Variants in RYR3 observed in about 807,000 individuals in gnomAD.
The protein encoded by RYR3 is brain ryanodine receptor-calcium release channel.
RYR3 carries 207 observed loss-of-function variants against 584.3 expected under a neutral mutation model. The ratio of observed to expected loss-of-function variants is 0.35; its 90% CI spans 0.32 to 0.40. RYR3 has a LOEUF of 0.40. RYR3 is among the 10% of genes least tolerant of loss of function. RYR3 has a pLI of 1.00. For missense variants in RYR3, 5,616 were observed against 6,089.2 expected (o/e 0.92, Z 2.59); for synonymous variants, 2,416 against 2,248.5 (o/e 1.07, Z -2.11).
At chr15:33,665,518 C>G (rs570519483) in intron 36 of RYR3, among the ~76,000 whole-genome samples, 1 of 152,234 alleles carries the variant, frequency 6.6e-6, no homozygotes, top group African/African-American at 2.4e-5. Context: ...TTTCTGGCAT[C>G]TCTTTCTCCC....
In RYR3 at chr15:33,422,667, C is replaced by T. The variant is rs576313556; in HGVS notation, c.52-50752C>T. Among the ~76,000 whole-genome samples the T allele has an allele frequency of 4.6e-5, 7 of 152,126 alleles. No individual in the cohort carries two copies. The South Asian group carries it at 1.5e-3, about 32-fold the overall frequency. ...AGCAGAGAGAGAGAGGAGAGAACCT[C>T]GCACATCCTGGGACTCTTCTGTATC... On this transcript the variant is annotated intron_variant, in intron 1 of 103. Coordinates refer to ENST00000634891, the MANE Select transcript of RYR3 (RefSeq NM_001036.6).
chr15:33,564,413 C>T (rs1256239042), intron 11 of RYR3, among the ~76,000 whole-genome samples: 2 of 152,054 alleles, frequency 1.3e-5, no homozygotes, highest in Admixed American at 1.3e-4. Flanking sequence ...GTTGGAATTG[C>T]CCTGGAAAAT....
intron 5 of RYR3, among the ~76,000 whole-genome samples, chr15:33,533,952 G>GT (rs1477488424): frequency 6.6e-6 from 1 of 151,864 alleles, no homozygotes; most frequent in Middle Eastern, 3.2e-3. Context: ...ACTTATTGCC[G>GT]TAAGTATAAA....
intron 80 of RYR3, among the ~76,000 whole-genome samples, 163 bp from the exon 81 acceptor site, chr15:33,822,833 G>C (rs1199133890): frequency 6.6e-6 from 1 of 152,230 alleles, no homozygotes; most frequent in Non-Finnish European, 1.5e-5. Context: ...AGAAATGCCA[G>C]TGGGCGTTTA....
intron 45 of RYR3, 51 bp from the exon 46 acceptor site, chr15:33,726,335 G>C: frequency 1.2e-6 from 2 of 1,605,048 alleles, no homozygotes; most frequent in Non-Finnish European, 1.7e-6. Flanking sequence ...GGGGTGGAGG[G>C]AGGTGTGGGA....
chr15:33,540,017 A>G (rs1258479838), intron 6 of RYR3, among the ~76,000 whole-genome samples: 1 of 152,060 alleles, frequency 6.6e-6, no homozygotes, highest in Non-Finnish European at 1.5e-5. Context: ...TCAATAGTCA[A>G]CTGCACTCGA....
intron 36 of RYR3, among the ~76,000 whole-genome samples, chr15:33,667,540 G>C (rs530364731): frequency 1.1e-4 from 17 of 151,984 alleles, no homozygotes; most frequent in Non-Finnish European, 2.1e-4. Context: ...GACCACAGTG[G>C]ATAGATATAA....
chr15:33,680,997 A>G (rs576934749), intron 38 of RYR3, among the ~76,000 whole-genome samples: 1 of 152,372 alleles, frequency 6.6e-6, no homozygotes, highest in South Asian at 2.1e-4. Flanking sequence ...AATGGTGCAC[A>G]GCAGTTCTGC....
At chr15:33,743,987 C>T (rs562346459) in intron 52 of RYR3, among the ~76,000 whole-genome samples, 2 of 152,334 alleles carry the variant, frequency 1.3e-5, no homozygotes, top group African/African-American at 4.8e-5. Flanking sequence ...GATCTGACCT[C>T]TGCTACCATC....
intron 1 of RYR3, among the ~76,000 whole-genome samples, chr15:33,358,549 A>T (rs1055729364): frequency 6.6e-6 from 1 of 151,752 alleles, no homozygotes; most frequent in Admixed American, 6.6e-5. Context: ...ACTGGCCATG[A>T]GTCAGCCCAG....
chr15:33,634,893 G>A (rs1005094315), intron 25 of RYR3, among the ~76,000 whole-genome samples, 160 bp downstream of exon 25: 3 of 152,120 alleles, frequency 2.0e-5, no homozygotes, highest in African/African-American at 4.8e-5. Context: ...TGTTATCGGG[G>A]AGACCATGTT....
At chr15:33,773,998 T>G (rs1364868394) in intron 64 of RYR3, among the ~76,000 whole-genome samples, 1 of 152,238 alleles carries the variant, frequency 6.6e-6, no homozygotes, top group Admixed American at 6.5e-5. Flanking sequence ...AGGCAGTTGC[T>G]TTAGTGTTTA....
chr15:33,748,654 A>G, intron 55 of RYR3, 124 bp downstream of exon 55: 3 of 832,840 alleles, frequency 3.6e-6, no homozygotes, highest in South Asian at 1.5e-5. Context: ...TCAAAACTGA[A>G]GACGGTCACC....
Position 33,333,562 on chromosome 15 carries a change from A to G in RYR3, c.51+22466A>G, listed in dbSNP as rs144952962. Among the ~76,000 whole-genome samples, 1,123 of 152,322 alleles carry G rather than the reference A, an allele frequency of 7.4e-3. 14 individuals are homozygous for G. The highest frequency in any genetic ancestry group is 0.026 in the African/African-American group (1,066 of 41,572). On this transcript the variant is annotated intron_variant, in intron 1 of 103. Coordinates refer to ENST00000634891, the MANE Select transcript of RYR3 (RefSeq NM_001036.6). Reference sequence around the variant, plus strand: ...AACATACCTCAAAATAATAAGAGCCACATATGACAAACCCACAGCCAACAT... The same window carrying G: ...AACATACCTCAAAATAATAAGAGCCGCATATGACAAACCCACAGCCAACAT...
rs1002241208 is a variant in RYR3 at position 33,601,454 on chromosome 15, T to G, written c.1824T>G (p.Asn608Lys). 6.2e-7 allele frequency: 1 copy of G among 1,613,046 alleles called. No homozygotes were observed. The highest frequency in any genetic ancestry group is 1.3e-5 in the African/African-American group (1 of 74,912). The change falls in exon 17 of 104, where the codon AAT (asparagine) becomes AAG (lysine). Residue 608 changes from asparagine to lysine, a missense_variant. Physicochemically the swap from Asn to Lys is moderately conservative, Grantham distance 94. Around this residue, in one of 9 missense-constraint regions of RYR3, gnomAD observed 1,284 missense variants for 1,344.6 expected, o/e 0.95. Coordinates refer to ENST00000634891, the MANE Select transcript of RYR3 (RefSeq NM_001036.6). ...LDILCSLCLC[N>K]GVAVRANQNL... ...TCCTGTGCTCCCTCTGTCTCTGCAA[T>G]GGGGTTGCAGTGAGAGCCAACCAGA...
At chr15:33,550,719 A>T (rs1265690832) in intron 10 of RYR3, among the ~76,000 whole-genome samples, 2 of 121,216 alleles carry the variant, frequency 1.6e-5, no homozygotes, top group African/African-American at 3.5e-5. Flanking sequence ...TTGTTTAAAT[A>T]AAAAGGTAAT....
intron 65 of RYR3, among the ~76,000 whole-genome samples, chr15:33,781,851 A>C (rs1424263366): frequency 6.7e-6 from 1 of 148,914 alleles, no homozygotes; most frequent in Non-Finnish European, 1.5e-5. Flanking sequence ...ATTAGCAAAA[A>C]AAAAAAAAGG....
At chr15:33,452,408 A>G (rs1415465380) in intron 1 of RYR3, among the ~76,000 whole-genome samples, 1 of 152,228 alleles carries the variant, frequency 6.6e-6, no homozygotes, top group Non-Finnish European at 1.5e-5. Flanking sequence ...GAGAAAAAAA[A>G]TCAGTCCCAT....
chr15:33,348,186 A>G (rs1972718704), intron 1 of RYR3, among the ~76,000 whole-genome samples: 1 of 152,184 alleles, frequency 6.6e-6, no homozygotes, highest in South Asian at 2.1e-4. Context: ...GTCTCACACC[A>G]TCTGCCCTGC....
Sources: allele counts gnomAD v4.1 joint callset (sites outside exome capture counted in the v4.1 genomes callset), GRCh38; gene constraint gnomAD v4.1.1; regional missense constraint gnomAD v4.1.1; transcripts MANE v1.5; gene names NCBI Gene and HGNC (gene_info 2026-07-23, HGNC 2026-07-21).